Variants in RPA1 observed in about 807,000 individuals in gnomAD.
RPA1 encodes replication protein A1.
Under a neutral mutation model 83.0 loss-of-function variants are expected in RPA1, and 49 were observed. The ratio of observed to expected loss-of-function variants is 0.59; its 90% confidence interval spans 0.47 to 0.75. RPA1 has a LOEUF of 0.75. Ranked by LOEUF, RPA1 falls within the 30% of genes least tolerant of loss-of-function variation. The pLI is 0.00. For synonymous variants in RPA1, 279 were observed against 281.8 expected, an observed-to-expected ratio of 0.99 and a Z score of 0.10; for missense variants, 693 against 776.1, an observed-to-expected ratio of 0.89 and a Z score of 1.27.
chr17:1,839,787 A>AGTTTTT (rs1336278842), intron 1 of RPA1, among the ~76,000 whole-genome samples: 1 of 93,610 alleles, frequency 1.1e-5, no homozygotes, highest in African/African-American at 4.9e-5. Context: ...GCGCCCAGCT[A>AGTTTTT]GTTTTTTTTT....
intron 5 of RPA1, among the ~76,000 whole-genome samples, chr17:1,871,306 C>A: frequency 6.6e-6 from 1 of 152,120 alleles, no homozygotes; most frequent in East Asian, 1.9e-4. Flanking sequence ...ACTCTAATGG[C>A]ACAACCACCT....
At chr17:1,895,127 G>A (rs768895536) in intron 16 of RPA1, 32 bp downstream of exon 16, 5 of 1,564,208 alleles carry the variant, frequency 3.2e-6, no homozygotes, top group Admixed American at 3.4e-5. Flanking sequence ...AGGGTTGGTG[G>A]TGGGGAGGTG....
At chr17:1,856,073 C>G (rs1261882857) in intron 5 of RPA1, among the ~76,000 whole-genome samples, 1 of 151,934 alleles carries the variant, frequency 6.6e-6, no homozygotes, top group Non-Finnish European at 1.5e-5. Context: ...CTTGTAATCC[C>G]AACACCTTGG....
rs544511009 is a variant in RPA1, at chr17:1,884,403, T to C, written c.1374+459T>C. ...GCTGTAGAATAGTGTATTAACCTCA[T>C]AGGCTGAGAGCTGCCGGCATTCCCG... On this transcript the variant is annotated intron_variant, in intron 13 of 16. Coordinates refer to ENST00000254719, the MANE Select transcript of RPA1 (RefSeq NM_002945.5). The surrounding 1 kb of genome is among the most constrained non-coding windows in gnomAD (Gnocchi z 4.1). Among the ~76,000 whole-genome samples the C allele has an allele frequency of 8.5e-5, 13 of 152,310 alleles. No individual in the cohort carries two copies. The highest frequency in any genetic ancestry group is 2.9e-4 in the African/African-American group (12 of 41,570).
rs746929608 is a variant in RPA1 at position 1,888,745 on chromosome 17, C to T, written c.1445C>T (p.Pro482Leu). The T allele has an allele frequency of 2.2e-5, 35 of 1,614,038 alleles. No individual in the cohort carries two copies. The highest frequency in any genetic ancestry group is 3.3e-5 in the Admixed American group (2 of 60,006). Residue 482 changes from proline to leucine, a missense_variant, in exon 14 of 17, where the codon CCG becomes CTG. Coordinates refer to ENST00000254719, the MANE Select transcript of RPA1 (RefSeq NM_002945.5). Reference sequence around the variant, plus strand: ...GAGAACTGCATGTACCAAGCCTGCCCGACTCAGGACTGCAATAAGAAAGTG... The same window carrying T: ...GAGAACTGCATGTACCAAGCCTGCCTGACTCAGGACTGCAATAAGAAAGTG... ...RKENCMYQAC[P>L]TQDCNKKVID...
intron 5 of RPA1, among the ~76,000 whole-genome samples, chr17:1,866,982 C>T (rs1412855747): frequency 1.3e-5 from 2 of 152,076 alleles, no homozygotes; most frequent in African/African-American, 4.8e-5. Context: ...ATTCCTGTTG[C>T]TCTGTATTGG....
At chr17:1,857,932 C>G in intron 5 of RPA1, 1 of 1,580,074 alleles carries the variant, frequency 6.3e-7, no homozygotes, top group Admixed American at 1.8e-5. Context: ...ACAAAAGGAT[C>G]TAAACAAATA....
chr17:1,874,063 A>ACACT (rs1913494983), intron 6 of RPA1, among the ~76,000 whole-genome samples: 2 of 142,744 alleles, frequency 1.4e-5, no homozygotes, highest in African/African-American at 5.2e-5. Flanking sequence ...ACACACACAC[A>ACACT]CTTTTGAAGA....
At chr17:1,875,374 G>T (rs1418221371) in intron 6 of RPA1, among the ~76,000 whole-genome samples, 6 of 152,182 alleles carry the variant, frequency 3.9e-5, no homozygotes, top group African/African-American at 1.4e-4. Flanking sequence ...AGAAACAGCA[G>T]TGTCTGGATT....
In RPA1 at chr17:1,899,581, A is replaced by C. The variant is rs1035838855; in HGVS notation, c.*2406A>C. On this transcript the variant is annotated 3_prime_UTR_variant, in exon 17 of 17. Transcript: ENST00000254719. Reference sequence around the variant, plus strand: ...GCGTGCTGTTCCTTTTTTGAACTGCAGGGTCAAAAATGTTCCCCTCCCCCA... The same window carrying C: ...GCGTGCTGTTCCTTTTTTGAACTGCCGGGTCAAAAATGTTCCCCTCCCCCA... 2 of 152,166 alleles carry C rather than the reference A, an allele frequency of 1.3e-5. No homozygotes were observed. Among genetic ancestry groups the C allele is most frequent in the African/African-American group, 4.8e-5 (2 of 41,420 alleles). The allele number at this position is 152,166 out of a possible 1,614,324, so 9.4% of individuals were successfully genotyped here. A position where few individuals can be genotyped will look rare whatever the true frequency, so the allele number is the denominator to read the frequency against.
intron 5 of RPA1, 65 bp from the exon 6 acceptor site, chr17:1,872,369 C>T (rs1913403939): frequency 1.7e-5 from 27 of 1,576,172 alleles, no homozygotes; most frequent in Non-Finnish European, 2.2e-5. Flanking sequence ...ATTCCTTCTA[C>T]CCAAGTTTAA....
At position 1,899,005 on chromosome 17, in the gene RPA1, A is replaced by G. The variant is rs374506097; in HGVS notation, c.*1830A>G. 3.9e-5 allele frequency: 6 copies of G among 152,964 alleles called. No individual in the cohort carries two copies. The East Asian group carries it at 9.6e-4, about 25-fold the overall frequency. The allele number at this position is 152,964 out of a possible 1,614,324, so 9.5% of individuals were successfully genotyped here. Reference sequence around the variant, plus strand: ...CCCCACGTGTCTGTCCACACAGTGAAGAGGCCTGACCAGCCGTGGTACCAG... The same window carrying G: ...CCCCACGTGTCTGTCCACACAGTGAGGAGGCCTGACCAGCCGTGGTACCAG... On this transcript the variant is annotated 3_prime_UTR_variant, in exon 17 of 17. Transcript: ENST00000254719.
intron 4 of RPA1, 138 bp from the exon 5 acceptor site, chr17:1,852,963 G>A: frequency 1.5e-6 from 1 of 669,312 alleles, no homozygotes; most frequent in Non-Finnish European, 2.6e-6. Flanking sequence ...GGCGAAAGAT[G>A]AAGAGAAATA....
chr17:1,883,173 C>T (rs1420534711), intron 12 of RPA1, among the ~76,000 whole-genome samples: 1 of 151,936 alleles, frequency 6.6e-6, no homozygotes, highest in African/African-American at 2.4e-5. Flanking sequence ...ATTTTTTTTT[C>T]GAGACGGAGT....
intron 4 of RPA1, among the ~76,000 whole-genome samples, chr17:1,852,044 C>T (rs1243709495): frequency 6.6e-6 from 1 of 152,186 alleles, no homozygotes; most frequent in East Asian, 1.9e-4. Flanking sequence ...TTGCCACTAA[C>T]CTCATTCAGG....
intron 1 of RPA1, among the ~76,000 whole-genome samples, chr17:1,831,512 C>G (rs1240832132): frequency 6.6e-6 from 1 of 152,060 alleles, no homozygotes; most frequent in Non-Finnish European, 1.5e-5. Flanking sequence ...TACTCTCAGC[C>G]TACCTCTCCA....
intron 5 of RPA1, among the ~76,000 whole-genome samples, chr17:1,855,707 A>G (rs533543131): frequency 6.6e-6 from 1 of 152,124 alleles, no homozygotes; most frequent in South Asian, 2.1e-4. Flanking sequence ...GCCTTATGGA[A>G]TAAGTTGGGA....
intron 6 of RPA1, among the ~76,000 whole-genome samples, chr17:1,873,230 A>G (rs903328390): frequency 3.9e-5 from 6 of 152,070 alleles, no homozygotes; most frequent in Non-Finnish European, 8.8e-5. Context: ...AGACAGTATT[A>G]CTTATATTGG....
rs1434937342 is a variant in RPA1 at position 1,864,218 on chromosome 17, C to T, written c.362-8216C>T. On this transcript the variant is annotated intron_variant, in intron 5 of 16. Transcript: ENST00000254719. ...TGCTTAGCTGGTTCCCACTGAAGTA[C>T]ACTAATTCACTGTCTTAATTTAAAT... Among the ~76,000 whole-genome samples the T allele has an allele frequency of 2.6e-5, 4 of 152,202 alleles. No individual in the cohort carries two copies. The East Asian group carries it at 7.7e-4, about 29-fold the overall frequency.
Sources: gnomAD v4.1 joint callset for allele counts (sites outside exome capture counted in the v4.1 genomes callset) on GRCh38, gnomAD v4.1.1 for gene constraint, Gnocchi (gnomAD v3.1) non-coding constraint, MANE v1.5 for transcripts, NCBI Gene and HGNC (gene_info 2026-07-23, HGNC 2026-07-21) for gene names.